Variants in GPM6B observed in about 807,000 individuals in gnomAD.
GPM6B encodes neuronal membrane glycoprotein M6-b.
Under a neutral mutation model 27.2 loss-of-function variants are expected in GPM6B, and 4 were observed. The ratio of observed to expected loss-of-function variants is 0.15; its 90% confidence interval spans 0.07 to 0.34. The LOEUF is 0.34. GPM6B is among the 10% of genes least tolerant of loss of function. GPM6B has a pLI of 1.00. For synonymous variants in GPM6B, 124 were observed against 103.1 expected (o/e 1.20, Z -1.23); for missense variants, 183 against 261.9 (o/e 0.70, Z 2.08).
chrX:13,772,352 A>G lies in GPM6B; in HGVS notation c.*529T>C, dbSNP rs2048316355. ...TGGGAGGGAAAAGCTAGTTTGAGAA[A>G]TCAATCATAAGAATCACATTATCTT... On this transcript the variant is annotated 3_prime_UTR_variant, in exon 8 of 8. Coordinates refer to ENST00000316715, the MANE Select transcript of GPM6B (RefSeq NM_001001995.3). 1 of 112,377 alleles carries G rather than the reference A, an allele frequency of 8.9e-6. No individual in the cohort carries two copies. 9.3% of individuals were successfully genotyped at this position (112,377 alleles called of 1,213,427 possible). A position where few individuals can be genotyped will look rare whatever the true frequency, so the allele number is the denominator to read the frequency against.
rs778912665 is a variant in GPM6B, at chrX:13,865,863, A to G, written c.-198+72464T>C. Among the ~76,000 whole-genome samples, 5 of 111,100 alleles carry G rather than the reference A, an allele frequency of 4.5e-5. No homozygotes were observed. The South Asian group carries it at 1.9e-3, about 42-fold the overall frequency. Reference sequence around the variant, plus strand: ...ACACAGACTACTATTCAGCCATAAAAAAAACAATAAATCCTGTCATTTTTG... The same window carrying G: ...ACACAGACTACTATTCAGCCATAAAGAAAACAATAAATCCTGTCATTTTTG... On this transcript the variant is annotated intron_variant, in intron 1 of 6. Coordinates refer to the GPM6B transcript ENST00000398361.
At chrX:13,783,610 G>C (rs2048557765) in intron 3 of GPM6B, 89 bp from the exon 4 acceptor site, 7 of 787,906 alleles carry the variant, frequency 8.9e-6, no homozygotes, top group Non-Finnish European at 1.1e-5. Context: ...ACATGAGGGG[G>C]ATGTTCCTGT....
At chrX:13,883,614 T>C (rs1279913288) in intron 1 of GPM6B, among the ~76,000 whole-genome samples, 3 of 82,786 alleles carry the variant, frequency 3.6e-5, no homozygotes, top group African/African-American at 8.9e-5. Flanking sequence ...CTCAGCACTT[T>C]GGAGAGGTCA....
At chrX:13,817,607 C>G (rs1388740719), upstream of GPM6B, among the ~76,000 whole-genome samples, 1 of 112,371 alleles carries the variant, frequency 8.9e-6, no homozygotes, top group East Asian at 2.8e-4. Flanking sequence ...AGGACGTGCC[C>G]ATAGTCTCTA....
intron 1 of GPM6B, among the ~76,000 whole-genome samples, chrX:13,884,761 C>T (rs960683306): frequency 2.7e-5 from 3 of 111,714 alleles, no homozygotes; most frequent in African/African-American, 9.8e-5. Flanking sequence ...TTGAGTTTTC[C>T]CATAGACATC....
intron 1 of GPM6B, among the ~76,000 whole-genome samples, chrX:13,813,482 C>T (rs1041669727): frequency 9.0e-6 from 1 of 111,524 alleles, no homozygotes; most frequent in Non-Finnish European, 1.9e-5. Context: ...ATTTCAGCAA[C>T]GATTCATAGG....
In GPM6B at chrX:13,847,114, T is replaced by G. The variant is rs759517617; in HGVS notation, c.-197-61306A>C. Among the ~76,000 whole-genome samples, 3 of 111,360 alleles carry G rather than the reference T, an allele frequency of 2.7e-5. No homozygotes were observed. The East Asian group carries it at 8.4e-4, about 31-fold the overall frequency. Reference sequence around the variant, plus strand: ...TTATAAATTCAAAATCCAAATGTCATATAGAACTGAGACCTTATGAAATCA... The same window carrying G: ...TTATAAATTCAAAATCCAAATGTCAGATAGAACTGAGACCTTATGAAATCA... On this transcript the variant is annotated intron_variant, in intron 1 of 6. Coordinates refer to the GPM6B transcript ENST00000398361.
rs185070581 is a variant in GPM6B, at chrX:13,888,811, C to A, written c.-198+49516G>T. The stretch of plus-strand genomic sequence containing the variant: ...CAACTGATTCTGATGGTAACAATAC[C>A]GCTTTCTCTGTAAACTATTTTTGCA... On this transcript the variant is annotated intron_variant, in intron 1 of 6. Coordinates refer to the GPM6B transcript ENST00000398361. Among the ~76,000 whole-genome samples the A allele has an allele frequency of 2.1e-4, 23 of 111,651 alleles. No individual in the cohort carries two copies. The Admixed American group carries it at 2.2e-3, about 11-fold the overall frequency.
In GPM6B at chrX:13,895,869, C is replaced by T. The variant is rs143340962; in HGVS notation, c.-198+42458G>A. On this transcript the variant is annotated intron_variant, in intron 1 of 6. Coordinates refer to the GPM6B transcript ENST00000398361. Reference sequence around the variant, plus strand: ...GAAAAATCTTAAATATGGGACTGGGCATGGTGGCTCACTCCTGTAATGCCA... The same window carrying T: ...GAAAAATCTTAAATATGGGACTGGGTATGGTGGCTCACTCCTGTAATGCCA... 4.7e-3 allele frequency among the ~76,000 whole-genome samples: 518 copies of T among 109,166 alleles called. 1 individual carries two copies. The highest frequency in any genetic ancestry group is 0.016 in the African/African-American group (493 of 30,018). The allele number at this position is 109,166 out of a possible 115,157, so 94.8% of individuals were successfully genotyped here.
intron 1 of GPM6B, among the ~76,000 whole-genome samples, chrX:13,930,592 T>C (rs1289729192): frequency 3.9e-5 from 4 of 103,852 alleles, no homozygotes; most frequent in Non-Finnish European, 7.9e-5. Flanking sequence ...CCAGCCTGGG[T>C]AACAGAGCGA....
Position 13,772,999 on chromosome X carries a change from C to CAGTT in GPM6B, c.865_868dup (p.Trp290Ter). The CAGTT allele has an allele frequency of 1.7e-6, 2 of 1,209,976 alleles. No homozygotes were observed. The highest frequency in any genetic ancestry group is 2.2e-6 in the Non-Finnish European group (2 of 894,231). On this transcript the variant is annotated stop_gained and frameshift_variant, in exon 8 of 8. Transcript: ENST00000316715. LOFTEE classifies it high-confidence loss of function. Reference sequence around the variant, plus strand: ...TTTGCTCGCATCCTTTAAGTAAGCCCAGTTAGAAGACAGTATCATGAGGAA... The same window carrying CAGTT: ...TTTGCTCGCATCCTTTAAGTAAGCCCAGTTAGTTAGAAGACAGTATCATGAGGAA...
chrX:13,829,138 C>T (rs1005704933), intron 1 of GPM6B, among the ~76,000 whole-genome samples: 3 of 111,804 alleles, frequency 2.7e-5, no homozygotes, highest in African/African-American at 9.8e-5. Flanking sequence ...GCAACTATCT[C>T]CCCAAAACCT....
At chrX:13,775,275 T>G (rs2048390466) in intron 7 of GPM6B, among the ~76,000 whole-genome samples, 1 of 113,197 alleles carries the variant, frequency 8.8e-6, no homozygotes, top group Non-Finnish European at 1.9e-5. Flanking sequence ...TTTGTAATCC[T>G]TAATACTTGA....
At chrX:13,843,327 G>C (rs1374791033) in intron 1 of GPM6B, among the ~76,000 whole-genome samples, 1 of 111,970 alleles carries the variant, frequency 8.9e-6, no homozygotes, top group African/African-American at 3.3e-5. Context: ...ACCACATTTT[G>C]TTGATCCACT....
At chrX:13,802,473 T>A (rs1251054945) in intron 2 of GPM6B, among the ~76,000 whole-genome samples, 2 of 111,126 alleles carry the variant, frequency 1.8e-5, no homozygotes, top group Non-Finnish European at 3.8e-5. Flanking sequence ...ATATAGCGCA[T>A]AAACAATGGA....
chrX:13,904,139 T>C (rs1211222778), intron 1 of GPM6B, among the ~76,000 whole-genome samples: 1 of 111,667 alleles, frequency 9.0e-6, no homozygotes, highest in African/African-American at 3.3e-5. Flanking sequence ...AAAAAACAAG[T>C]TTGAAATACA....
At chrX:13,930,362 C>G (rs1369785465) in intron 1 of GPM6B, among the ~76,000 whole-genome samples, 1 of 111,615 alleles carries the variant, frequency 9.0e-6, no homozygotes, top group African/African-American at 3.3e-5. Flanking sequence ...CACCTATAAT[C>G]CCAGCACTTT....
chrX:13,863,231 G>A (rs772032116), intron 1 of GPM6B, among the ~76,000 whole-genome samples: 5 of 111,465 alleles, frequency 4.5e-5, no homozygotes, highest in African/African-American at 6.5e-5. Context: ...TGAAAAATGA[G>A]CAGCAAAAGA....
chrX:13,871,458 G>A (rs916550553), intron 1 of GPM6B, among the ~76,000 whole-genome samples: 2 of 111,982 alleles, frequency 1.8e-5, no homozygotes, highest in African/African-American at 6.5e-5. Context: ...ACCTTCCCCC[G>A]TGTGGCTCAT....
Sources: allele counts gnomAD v4.1 joint callset (sites outside exome capture counted in the v4.1 genomes callset), GRCh38; gene constraint gnomAD v4.1.1; transcripts MANE v1.5; gene names NCBI Gene and HGNC (gene_info 2026-07-23, HGNC 2026-07-21).